DSCAML1: variants seen among roughly 807,000 people sequenced by gnomAD.
The protein encoded by DSCAML1 is DS cell adhesion molecule like 1.
A neutral mutation model predicts 200.5 loss-of-function variants in DSCAML1; 38 were observed. The observed-to-expected ratio is 0.19, with a 90% CI of 0.15 to 0.25. The LOEUF (loss-of-function observed/expected upper bound fraction) is 0.25. DSCAML1 is among the 10% of genes least tolerant of loss of function. The pLI is 1.00. For synonymous variants in DSCAML1, 1,215 were observed against 1,165.0 expected (o/e 1.04, Z -0.87); for missense variants, 2,223 against 2,858.8 (o/e 0.78, Z 5.07).
intron 3 of DSCAML1, among the ~76,000 whole-genome samples, chr11:117,635,039 T>A (rs1437198415): frequency 6.6e-6 from 1 of 152,168 alleles, no homozygotes; most frequent in Non-Finnish European, 1.5e-5. Context: ...ACCAAACCCA[T>A]GATAGGTCGC....
intron 14 of DSCAML1, among the ~76,000 whole-genome samples, chr11:117,479,568 A>G (rs1232382484): frequency 6.6e-6 from 1 of 152,106 alleles, no homozygotes; most frequent in Non-Finnish European, 1.5e-5. Flanking sequence ...CGGGGTGCCC[A>G]TGGCGCCCCA....
intron 21 of DSCAML1, among the ~76,000 whole-genome samples, chr11:117,442,336 GTGTA>G (rs895680730): frequency 1.3e-4 from 19 of 151,908 alleles, no homozygotes; most frequent in South Asian, 2.1e-4. Flanking sequence ...TGTGTATAGT[GTGTA>G]TGTGTGTGCA....
intron 11 of DSCAML1, among the ~76,000 whole-genome samples, chr11:117,485,774 G>A (rs1414304274): frequency 6.6e-6 from 1 of 152,204 alleles, no homozygotes; most frequent in African/African-American, 2.4e-5. Flanking sequence ...AAAAAGCCTA[G>A]GTCTGTGGCC....
intron 3 of DSCAML1, among the ~76,000 whole-genome samples, chr11:117,765,493 T>G (rs1041871050): frequency 6.6e-6 from 1 of 152,114 alleles, no homozygotes; most frequent in Non-Finnish European, 1.5e-5. Flanking sequence ...AGCAGCAGTG[T>G]CTGCCCTCCT....
At position 117,480,558 on chromosome 11, in the gene DSCAML1, G is replaced by A. The variant is rs1301018994; in HGVS notation, c.2670C>T (p.Pro890=). Residue 890 remains proline, a synonymous_variant, in exon 14 of 33, where the codon CCC becomes CCT. Transcript: ENST00000651296. This position sits in a 1 kb window ranked among gnomAD's most constrained non-coding sequence, Gnocchi z 4.1. The stretch of plus-strand genomic sequence containing the variant: ...TCACCTCCCGGATCTCCAGCTCTGG[G>A]GGGTCGGGGGGCTCTAGGGTGCGGC... The part of the protein sequence containing the change: ...IQLTVQEPPD[P]PELEIREVKA... 3 of 1,564,036 alleles carry A rather than the reference G, an allele frequency of 1.9e-6. No individual in the cohort carries two copies. The highest frequency in any genetic ancestry group is 2.6e-6 in the Non-Finnish European group (3 of 1,153,554).
intron 3 of DSCAML1, among the ~76,000 whole-genome samples, chr11:117,617,502 T>C (rs533160669): frequency 4.6e-5 from 7 of 152,342 alleles, no homozygotes; most frequent in African/African-American, 1.7e-4. Flanking sequence ...CGATATTTTA[T>C]AAAGTTAATA....
At chr11:117,559,875 AG>A (rs1054576460) in intron 3 of DSCAML1, among the ~76,000 whole-genome samples, 1 of 148,774 alleles carries the variant, frequency 6.7e-6, no homozygotes, top group African/African-American at 2.5e-5. Context: ...GGTGAGAGGG[AG>A]GGTGGGATAC....
At chr11:117,621,579 A>C (rs908387664) in intron 3 of DSCAML1, among the ~76,000 whole-genome samples, 3 of 152,222 alleles carry the variant, frequency 2.0e-5, no homozygotes, top group Non-Finnish European at 4.4e-5. Context: ...TCTTTAAAAA[A>C]TGTTAATGTA....
chr11:117,577,457 CTT>C (rs777085082), intron 3 of DSCAML1, among the ~76,000 whole-genome samples: 1 of 99,472 alleles, frequency 1.0e-5, no homozygotes, highest in Non-Finnish European at 1.8e-5. Flanking sequence ...TCCTTCCTTC[CTT>C]TCCTTCCTTC....
At chr11:117,497,388 G>A (rs1038459901) in intron 11 of DSCAML1, among the ~76,000 whole-genome samples, 8 of 152,170 alleles carry the variant, frequency 5.3e-5, no homozygotes, top group African/African-American at 1.7e-4. Flanking sequence ...ACCTCCTGGC[G>A]AGGGCCCAAG....
intron 3 of DSCAML1, among the ~76,000 whole-genome samples, chr11:117,624,589 C>T (rs1315865488): frequency 3.3e-5 from 5 of 152,002 alleles, no homozygotes; most frequent in Non-Finnish European, 7.4e-5. Flanking sequence ...CACTCACATG[C>T]GCACTCGTGG....
At chr11:117,512,342 C>A (rs527583941) in intron 8 of DSCAML1, among the ~76,000 whole-genome samples, 1 of 152,194 alleles carries the variant, frequency 6.6e-6, no homozygotes, top group East Asian at 1.9e-4. Flanking sequence ...CTCCACCCCC[C>A]TCCTTGGGTA....
intron 1 of DSCAML1, among the ~76,000 whole-genome samples, chr11:117,790,422 A>T (rs1403334380): frequency 1.3e-5 from 2 of 152,260 alleles, no homozygotes; most frequent in Non-Finnish European, 2.9e-5. Context: ...GCTGTGCCTC[A>T]TCAGCTGTTC....
intron 3 of DSCAML1, among the ~76,000 whole-genome samples, chr11:117,571,905 A>C (rs2050852934): frequency 6.6e-6 from 1 of 152,214 alleles, no homozygotes; most frequent in Non-Finnish European, 1.5e-5. Flanking sequence ...GATGGTGATG[A>C]CAGTGACCTC....
intron 24 of DSCAML1, among the ~76,000 whole-genome samples, 193 bp downstream of exon 24, chr11:117,438,692 C>T (rs969627148): frequency 2.6e-5 from 4 of 152,174 alleles, no homozygotes; most frequent in East Asian, 1.9e-4. Flanking sequence ...ATTGGAGGGG[C>T]GGGCGTACTA....
At position 117,489,212 on chromosome 11, in the gene DSCAML1, G is replaced by A. The variant is rs184090879; in HGVS notation, c.2360-7050C>T. On this transcript the variant is annotated intron_variant, in intron 11 of 32. Transcript: ENST00000651296. This position sits in a 1 kb window ranked among gnomAD's most constrained non-coding sequence, Gnocchi z 4.8. ...ACCAAAAAGCTGTGGCCTCTGCGGC[G>A]GGGCAGCTGCAGCAGGTACTCCTGG... is the stretch of plus-strand genomic sequence containing the variant. 8.7e-4 allele frequency among the ~76,000 whole-genome samples: 133 copies of A among 152,298 alleles called. No homozygotes were observed. The highest frequency in any genetic ancestry group is 1.4e-3 in the Non-Finnish European group (96 of 68,040).
intron 1 of DSCAML1, among the ~76,000 whole-genome samples, chr11:117,789,808 G>C (rs1047303853): frequency 5.9e-5 from 9 of 152,150 alleles, no homozygotes; most frequent in African/African-American, 1.9e-4. Context: ...AACAGGGTTT[G>C]ACTCATTCTA....
Position 117,516,813 on chromosome 11 carries a change from CACCCTGCGGTGCTCTTCTCAGGCACT to C in DSCAML1, c.1511-100_1511-75del. On this transcript the variant is annotated intron_variant, in intron 7 of 32. Coordinates refer to ENST00000651296, the MANE Select transcript of DSCAML1 (RefSeq NM_020693.4). This position sits in a 1 kb window ranked among gnomAD's most constrained non-coding sequence, Gnocchi z 5.7. ...CTGTCAGCCAGGGACAGCCAGGCAC[CACCCTGCGGTGCTCTTCTCAGGCACT>C]CGGCCCCTGAGACTTTCGGGGGCGG... The C allele has an allele frequency of 6.5e-7, 1 of 1,535,056 alleles. No individual in the cohort carries two copies. Among genetic ancestry groups the C allele is most frequent in the Non-Finnish European group, 8.8e-7 (1 of 1,140,546 alleles).
At chr11:117,625,936 A>T (rs560750938) in intron 3 of DSCAML1, among the ~76,000 whole-genome samples, 1 of 152,156 alleles carries the variant, frequency 6.6e-6, no homozygotes, top group African/African-American at 2.4e-5. Flanking sequence ...TTCCCCTAAA[A>T]CCCATGACAG....
Sources: gnomAD v4.1 joint callset for allele counts (sites outside exome capture counted in the v4.1 genomes callset) on GRCh38, gnomAD v4.1.1 for gene constraint, Gnocchi (gnomAD v3.1) non-coding constraint, MANE v1.5 for transcripts, NCBI Gene and HGNC (gene_info 2026-07-23, HGNC 2026-07-21) for gene names.